PRKCQ: variants seen among roughly 807,000 people sequenced by gnomAD.
PRKCQ encodes protein kinase C theta type.
Under a neutral mutation model 91.2 loss-of-function variants are expected in PRKCQ, and 41 were observed. That is an observed-to-expected ratio of 0.45 (90% confidence interval 0.35 to 0.58). The LOEUF is 0.58. Among genes scored for constraint, PRKCQ ranks in the 20% least tolerant of loss-of-function variants. The probability of loss-of-function intolerance (pLI) is 0.00; values close to 1 mark genes in which losing one functional copy is unlikely to be tolerated. For missense variants in PRKCQ, 673 were observed against 896.5 expected (o/e 0.75, Z 3.18); for synonymous variants, 307 against 316.9 (o/e 0.97, Z 0.33).
At chr10:6,438,488 AATG>A (rs1427028793) in intron 16 of PRKCQ, among the ~76,000 whole-genome samples, 1 of 152,234 alleles carries the variant, frequency 6.6e-6, no homozygotes, top group Non-Finnish European at 1.5e-5. Flanking sequence ...TATTTCTCTA[AATG>A]ATGATTATTT....
intron 12 of PRKCQ, among the ~76,000 whole-genome samples, chr10:6,471,540 T>C (rs1471040125): frequency 6.6e-6 from 1 of 151,808 alleles, no homozygotes; most frequent in Non-Finnish European, 1.5e-5. Flanking sequence ...GTCAGGAGTT[T>C]GAGACCAGCC....
At position 6,453,084 on chromosome 10, in the gene PRKCQ, C is replaced by A. The variant is rs1351297711; in HGVS notation, c.1647+3590G>T. Reference sequence around the variant, plus strand: ...CAAAATTGACAAATGGGATCTAATTCAACTAAAGAGCTTCTGCACAGCAAA... The same window carrying A: ...CAAAATTGACAAATGGGATCTAATTAAACTAAAGAGCTTCTGCACAGCAAA... On this transcript the variant is annotated intron_variant, in intron 15 of 17. Transcript: ENST00000263125. 1.2e-3 allele frequency among the ~76,000 whole-genome samples: 185 copies of A among 149,098 alleles called. 1 individual carries two copies. The East Asian group carries it at 0.018, about 14-fold the overall frequency.
At chr10:6,402,296 C>G in the PRKCQ span, among the ~76,000 whole-genome samples, 1 of 146,330 alleles carries the variant, frequency 6.8e-6, no homozygotes, top group Non-Finnish European at 1.5e-5. Context: ...TGTAACAAAA[C>G]TGCGTGTTCT....
chr10:6,568,208 C>T (rs1401983091), intron 1 of PRKCQ, among the ~76,000 whole-genome samples: 1 of 151,876 alleles, frequency 6.6e-6, no homozygotes, highest in Non-Finnish European at 1.5e-5. Context: ...GAGCGAGACT[C>T]TTGTCTCCAA....
At chr10:6,457,146 T>G (rs921765783) in intron 14 of PRKCQ, among the ~76,000 whole-genome samples, 12 of 152,232 alleles carry the variant, frequency 7.9e-5, no homozygotes, top group Admixed American at 7.2e-4. Flanking sequence ...ACTTACTGTA[T>G]GCCATTTTCT....
chr10:6,446,528 G>A (rs1486350235), intron 15 of PRKCQ, among the ~76,000 whole-genome samples: 1 of 151,984 alleles, frequency 6.6e-6, no homozygotes, highest in Non-Finnish European at 1.5e-5. Flanking sequence ...ACCACATCCA[G>A]CTAATTTTTG....
rs1363215241 is a variant in PRKCQ at position 6,427,185 on chromosome 10, T to G, written c.*1022A>C. The G allele has an allele frequency of 6.6e-6, 1 of 152,118 alleles. No individual in the cohort carries two copies. Among genetic ancestry groups the G allele is most frequent in the Non-Finnish European group, 1.5e-5 (1 of 68,026 alleles). 9.4% of individuals were successfully genotyped at this position (152,118 alleles called of 1,614,324 possible). A position where few individuals can be genotyped will look rare whatever the true frequency, so the allele number is the denominator to read the frequency against. ...TATTCCATTTTTACACATCCACCTG[T>G]TTGCCATGAAGTCACAACATTTTAT... On this transcript the variant is annotated 3_prime_UTR_variant, in exon 18 of 18. Coordinates refer to ENST00000263125, the MANE Select transcript of PRKCQ (RefSeq NM_006257.5).
At chr10:6,472,072 G>C (rs1836004004) in intron 12 of PRKCQ, among the ~76,000 whole-genome samples, 1 of 152,186 alleles carries the variant, frequency 6.6e-6, no homozygotes. Flanking sequence ...ACTCTGGGAG[G>C]CCGAGGTGGG....
intron 1 of PRKCQ, among the ~76,000 whole-genome samples, chr10:6,570,161 G>A (rs1840986379): frequency 6.6e-6 from 1 of 152,146 alleles, no homozygotes; most frequent in African/African-American, 2.4e-5. Flanking sequence ...CAGGTAAGAG[G>A]CGGGTAGAAC....
At position 6,497,141 on chromosome 10, in the gene PRKCQ, A is replaced by T. The variant is rs1837666982; in HGVS notation, c.575-21T>A. The T allele has an allele frequency of 4.3e-6, 7 of 1,613,820 alleles. No homozygotes were observed. Among genetic ancestry groups the T allele is most frequent in the Non-Finnish European group, 5.9e-6 (7 of 1,179,716 alleles). On this transcript the variant is annotated intron_variant, in intron 6 of 17. Transcript: ENST00000263125. This position sits in a 1 kb window ranked among gnomAD's most constrained non-coding sequence, Gnocchi z 4.5. ...GCATTCTGAAAAGAAGAAAAAAATC[A>T]CAGCTTAAGATTTTCATAGCCTAAG...
chr10:6,507,555 G>T lies in PRKCQ; in HGVS notation c.319-59C>A, dbSNP rs1838260369. 4 of 1,404,092 alleles carry T rather than the reference G, an allele frequency of 2.8e-6. No homozygotes were observed. The South Asian group carries it at 4.6e-5, about 16-fold the overall frequency. The allele number at this position is 1,404,092 out of a possible 1,614,324, so 87.0% of individuals were successfully genotyped here. A position where few individuals can be genotyped will look rare whatever the true frequency, so the allele number is the denominator to read the frequency against. The stretch of plus-strand genomic sequence containing the variant: ...ATGTGAAACAAGCCCTGAGTTCAAT[G>T]ACATCACTGGCTACTGACGATGGCA... On this transcript the variant is annotated intron_variant, in intron 3 of 17. Transcript: ENST00000263125.
the PRKCQ span, among the ~76,000 whole-genome samples, chr10:6,398,320 T>C: frequency 1.3e-5 from 2 of 152,224 alleles, no homozygotes; most frequent in East Asian, 3.8e-4. Context: ...GAAGTGTAAG[T>C]CTTCCAACTT....
chr10:6,543,166 G>A (rs538726099), intron 1 of PRKCQ, among the ~76,000 whole-genome samples: 4 of 152,346 alleles, frequency 2.6e-5, no homozygotes, highest in East Asian at 1.9e-4. Context: ...AGTCGTGTTC[G>A]TTAGCCCAGC....
At chr10:6,578,598 C>T (rs942746921) in intron 1 of PRKCQ, among the ~76,000 whole-genome samples, 1 of 152,204 alleles carries the variant, frequency 6.6e-6, no homozygotes, top group Non-Finnish European at 1.5e-5. Context: ...TTTAGAAGCT[C>T]TCCCTACGCC....
chr10:6,463,159 T>G (rs1778342685), intron 13 of PRKCQ, among the ~76,000 whole-genome samples: 1 of 152,194 alleles, frequency 6.6e-6, no homozygotes, highest in African/African-American at 2.4e-5. Context: ...GGGCAACACT[T>G]ACAGCCCATG....
the PRKCQ span, among the ~76,000 whole-genome samples, chr10:6,404,569 CTTTCTCTT>C: frequency 6.2e-3 from 314 of 50,556 alleles, 6 homozygotes; most frequent in East Asian, 0.33. Flanking sequence ...TTTCTTCCTT[CTTTCTCTT>C]TCTTTCTTTC....
At chr10:6,415,405 C>T in the PRKCQ span, among the ~76,000 whole-genome samples, 11 of 104,840 alleles carry the variant, frequency 1.0e-4, no homozygotes, top group African/African-American at 2.9e-4. Context: ...CAAGAAAATA[C>T]ATATATATAT....
At chr10:6,394,315 G>A in the PRKCQ span, among the ~76,000 whole-genome samples, 7 of 152,208 alleles carry the variant, frequency 4.6e-5, no homozygotes, top group Non-Finnish European at 5.9e-5. Context: ...TGGCGCCTCT[G>A]CAGTCTGCTT....
chr10:6,491,315 G>A (rs536633246), intron 8 of PRKCQ, among the ~76,000 whole-genome samples: 2 of 152,340 alleles, frequency 1.3e-5, no homozygotes, highest in East Asian at 1.9e-4. Context: ...AGCTAGACCT[G>A]TTGGGATTAG....
Sources: allele counts gnomAD v4.1 joint callset (sites outside exome capture counted in the v4.1 genomes callset), GRCh38; gene constraint gnomAD v4.1.1; non-coding constraint Gnocchi (gnomAD v3.1); transcripts MANE v1.5; gene names NCBI Gene and HGNC (gene_info 2026-07-23, HGNC 2026-07-21).